MYO1D: variants seen among roughly 807,000 people sequenced by gnomAD.
MYO1D encodes myosin ID, also known as unconventional myosin-Id.
MYO1D carries 83 observed loss-of-function variants against 122.0 expected under a neutral mutation model. The observed-to-expected ratio is 0.68, with a 90% confidence interval of 0.57 to 0.82. MYO1D has a LOEUF of 0.82. MYO1D is among the 40% of genes least tolerant of loss of function. The pLI is 0.00. For synonymous variants in MYO1D, 464 were observed against 446.9 expected (o/e 1.04, Z -0.48); for missense variants, 1,157 against 1,269.5 (o/e 0.91, Z 1.35).
At chr17:32,828,968 T>TGG in intron 1 of MYO1D, among the ~76,000 whole-genome samples, 1 of 152,186 alleles carries the variant, frequency 6.6e-6, no homozygotes, top group East Asian at 1.9e-4. Context: ...AGGCAGACCT[T>TGG]GGGTCTGACT....
intron 1 of MYO1D, among the ~76,000 whole-genome samples, chr17:32,851,923 TG>T (rs1458243267): frequency 6.6e-6 from 1 of 152,206 alleles, no homozygotes; most frequent in African/African-American, 2.4e-5. Context: ...GTCAGGGGCC[TG>T]GGGGTTGGGA....
chr17:32,841,332 G>A (rs537402585), intron 1 of MYO1D, among the ~76,000 whole-genome samples: 1 of 151,990 alleles, frequency 6.6e-6, no homozygotes, highest in African/African-American at 2.4e-5. Flanking sequence ...AGCCAGGCAC[G>A]GTTGCATGCT....
At chr17:32,804,622 C>A (rs1364556828) in intron 1 of MYO1D, among the ~76,000 whole-genome samples, 1 of 151,860 alleles carries the variant, frequency 6.6e-6, no homozygotes, top group African/African-American at 2.4e-5. Context: ...TCATCTATTA[C>A]CCTTTTAAGC....
chr17:32,730,024 T>A (rs1174970924), intron 14 of MYO1D, among the ~76,000 whole-genome samples: 1 of 152,174 alleles, frequency 6.6e-6, no homozygotes, highest in Non-Finnish European at 1.5e-5. Flanking sequence ...AATATATTTA[T>A]ATTTGTTTCT....
chr17:32,659,268 T>C lies in MYO1D; in HGVS notation c.2192A>G (p.Tyr731Cys), dbSNP rs768228880. 1.2e-6 allele frequency: 2 copies of C among 1,614,232 alleles called. No homozygotes were observed. The highest frequency in any genetic ancestry group is 1.7e-6 in the Non-Finnish European group (2 of 1,180,030). Residue 731 changes from tyrosine to cysteine, a missense_variant, in exon 17 of 22, where the codon TAC becomes TGC. Transcript: ENST00000318217. ...TKAALTIIRY[Y>C]RRYKVKSYIH... ...GTACGACTTCACTTTGTAGCGCCGG[T>C]AGTACCTGATTATTGTCAGAGCTGC...
chr17:32,785,055 G>A (rs930713368), intron 1 of MYO1D, among the ~76,000 whole-genome samples: 3 of 152,194 alleles, frequency 2.0e-5, no homozygotes, highest in Non-Finnish European at 4.4e-5. Flanking sequence ...GTGCTCAGTG[G>A]GGGGAATGGT....
At chr17:32,790,415 C>T (rs1334164558) in intron 1 of MYO1D, among the ~76,000 whole-genome samples, 4 of 152,138 alleles carry the variant, frequency 2.6e-5, no homozygotes, top group Admixed American at 2.0e-4. Context: ...CACACAAGTT[C>T]CTTATCCATC....
intron 1 of MYO1D, among the ~76,000 whole-genome samples, chr17:32,804,552 A>C (rs1480964236): frequency 1.3e-5 from 2 of 152,144 alleles, no homozygotes; most frequent in African/African-American, 4.8e-5. Context: ...CTGGACTTTC[A>C]GGACAATTAC....
At chr17:32,734,612 C>T (rs1314432595) in intron 14 of MYO1D, 1 of 152,296 alleles carries the variant, frequency 6.6e-6, no homozygotes, top group South Asian at 2.1e-4. Flanking sequence ...TTTTGTCATG[C>T]ACTTCCTAAC....
At chr17:32,514,141 C>A (rs750907694) in intron 21 of MYO1D, among the ~76,000 whole-genome samples, 7 of 144,836 alleles carry the variant, frequency 4.8e-5, no homozygotes, top group African/African-American at 1.8e-4. Flanking sequence ...ACTCGGGAGG[C>A]TGAGGCAGGG....
intron 21 of MYO1D, among the ~76,000 whole-genome samples, chr17:32,524,252 C>G (rs573016478): frequency 2.0e-5 from 3 of 152,212 alleles, no homozygotes; most frequent in Non-Finnish European, 2.9e-5. Flanking sequence ...TTTGGTGGAG[C>G]ATGCTTCCTT....
chr17:32,604,825 C>A (rs796290529), intron 21 of MYO1D, among the ~76,000 whole-genome samples: 2 of 152,136 alleles, frequency 1.3e-5, no homozygotes, highest in Non-Finnish European at 2.9e-5. Flanking sequence ...GCATTTGGAT[C>A]GACAGTGGAA....
Position 32,716,687 on chromosome 17 carries a change from A to G in MYO1D, c.1913+4336T>C, listed in dbSNP as rs959373640. Among the ~76,000 whole-genome samples, 3 of 152,362 alleles carry G rather than the reference A, an allele frequency of 2.0e-5. No homozygotes were observed. The East Asian group carries it at 5.8e-4, about 29-fold the overall frequency. ...AGTAGGGGTCTACATCTGGGTCATC[A>G]TATGGGTAGTGCTGGTGTTGTTTGT... On this transcript the variant is annotated intron_variant, in intron 15 of 21. Coordinates refer to ENST00000318217, the MANE Select transcript of MYO1D (RefSeq NM_015194.3).
intron 1 of MYO1D, among the ~76,000 whole-genome samples, chr17:32,790,913 G>A (rs1176467404): frequency 6.6e-6 from 1 of 152,194 alleles, no homozygotes; most frequent in Admixed American, 6.5e-5. Context: ...GCTCCTTGAA[G>A]AAAAGCGGAT....
At chr17:32,740,139 T>TA (rs895873419) in intron 13 of MYO1D, among the ~76,000 whole-genome samples, 130 of 152,368 alleles carry the variant, frequency 8.5e-4, no homozygotes, top group African/African-American at 2.9e-3. Context: ...GTTCTTAACT[T>TA]ACAGTGCACA....
chr17:32,788,081 C>T (rs187776199), intron 1 of MYO1D, among the ~76,000 whole-genome samples: 1 of 152,178 alleles, frequency 6.6e-6, no homozygotes, highest in Admixed American at 6.5e-5. Context: ...GTCTGTTTCA[C>T]TTAATGACCT....
chr17:32,550,725 G>A (rs1294329407), intron 21 of MYO1D, among the ~76,000 whole-genome samples: 2 of 152,218 alleles, frequency 1.3e-5, no homozygotes, highest in African/African-American at 4.8e-5. Flanking sequence ...GCCACGCACT[G>A]TGGCTCAGGC....
At chr17:32,636,912 G>A (rs1597958308) in intron 20 of MYO1D, among the ~76,000 whole-genome samples, 1 of 152,224 alleles carries the variant, frequency 6.6e-6, no homozygotes, top group South Asian at 2.1e-4. Context: ...ATGGGAATAC[G>A]AGACGGTATG....
intron 1 of MYO1D, among the ~76,000 whole-genome samples, chr17:32,876,426 G>A (rs1243843912): frequency 6.6e-6 from 1 of 152,194 alleles, no homozygotes; most frequent in Non-Finnish European, 1.5e-5. Flanking sequence ...CAGTTTCCAT[G>A]AGGTCACCGG....
Sources: gnomAD v4.1 joint callset for allele counts (sites outside exome capture counted in the v4.1 genomes callset) on GRCh38, gnomAD v4.1.1 for gene constraint, MANE v1.5 for transcripts, NCBI Gene and HGNC (gene_info 2026-07-23, HGNC 2026-07-21) for gene names.